The following DEPDC4 variants were observed in gnomAD, a reference collection of about 807,000 sequenced individuals.
DEPDC4 encodes the protein DEP domain containing 4.
In DEPDC4, 52 loss-of-function variants were observed where a neutral mutation model predicts 52.0. That is an observed-to-expected ratio of 1.00 (90% CI 0.80 to 1.26). The LOEUF is 1.26. DEPDC4 is among the 50% of genes most tolerant of loss of function. The pLI is 0.00. For missense variants in DEPDC4, 530 were observed against 546.9 expected (o/e 0.97, Z 0.31); for synonymous variants, 201 against 196.8 (o/e 1.02, Z -0.18).
At chr12:100,253,278 CACTAT>C (rs1566317076) in intron 5 of DEPDC4, among the ~76,000 whole-genome samples, 1 of 152,096 alleles carries the variant, frequency 6.6e-6, no homozygotes, top group East Asian at 1.9e-4. Context: ...TAGATTTATG[CACTAT>C]ACTATATTAG....
At chr12:100,233,989 C>T (rs2096137888) in intron 9 of DEPDC4, among the ~76,000 whole-genome samples, 1 of 152,076 alleles carries the variant, frequency 6.6e-6, no homozygotes, top group South Asian at 2.1e-4. Context: ...TGCCTGTAGT[C>T]CCAGCTACTC....
rs770621384 is a variant in DEPDC4, at chr12:100,263,574, C to T, written c.477G>A (p.Arg159=). Reference sequence around the variant, plus strand: ...CGTAAGATGATTTATTGCCTAGAAACCTGTAGAGACTAATGTTGGAATCTT... The same window carrying T: ...CGTAAGATGATTTATTGCCTAGAAATCTGTAGAGACTAATGTTGGAATCTT... ...EFEDSNISLY[R]FLGNKSSYDC... Residue 159 remains arginine (R), a synonymous_variant, in exon 2 of 10, where the codon AGG becomes AGA. Transcript: ENST00000550587. 1 of 1,613,464 alleles carries T rather than the reference C, an allele frequency of 6.2e-7. No homozygotes were observed. The highest frequency in any genetic ancestry group is 1.3e-5 in the African/African-American group (1 of 74,964).
downstream of DEPDC4, among the ~76,000 whole-genome samples, chr12:100,239,993 T>C (rs557238098): frequency 1.3e-5 from 2 of 152,276 alleles, no homozygotes; most frequent in South Asian, 2.1e-4. Flanking sequence ...AGTTGAGAAC[T>C]TTGAAACTAA....
upstream of DEPDC4, chr12:100,267,209 C>G: frequency 3.1e-6 from 3 of 957,452 alleles, no homozygotes; most frequent in Admixed American, 5.6e-5. Flanking sequence ...TCTTCGTCCC[C>G]GGTCCCTCCC....
upstream of DEPDC4, chr12:100,267,189 C>A (rs147743073): frequency 1.0e-5 from 12 of 1,180,896 alleles, no homozygotes; most frequent in African/African-American, 1.7e-4. Flanking sequence ...TCTTTTTCCC[C>A]CTCCCTTACT....
chr12:100,247,682 A>C (rs2096191745), intron 8 of DEPDC4, among the ~76,000 whole-genome samples: 1 of 152,212 alleles, frequency 6.6e-6, no homozygotes, highest in African/African-American at 2.4e-5. Context: ...GATTCTAAGT[A>C]CTAGTTTCAG....
chr12:100,265,285 C>A (rs1735417330), intron 1 of DEPDC4, among the ~76,000 whole-genome samples: 1 of 149,876 alleles, frequency 6.7e-6, no homozygotes, highest in South Asian at 2.1e-4. Flanking sequence ...CAGAGTGAGA[C>A]CCTGTCTCAA....
the DEPDC4 span, among the ~76,000 whole-genome samples, chr12:100,272,660 A>G: frequency 6.6e-6 from 1 of 152,188 alleles, no homozygotes; most frequent in African/African-American, 2.4e-5. Flanking sequence ...TGGCTTCTAT[A>G]TGTCGTTGGT....
the DEPDC4 span, among the ~76,000 whole-genome samples, chr12:100,279,459 C>A: frequency 6.6e-6 from 1 of 152,200 alleles, no homozygotes; most frequent in African/African-American, 2.4e-5. Flanking sequence ...TAAGTCACAT[C>A]GTCTTGCTTC....
At chr12:100,275,571 C>G in the DEPDC4 span, among the ~76,000 whole-genome samples, 1 of 152,130 alleles carries the variant, frequency 6.6e-6, no homozygotes, top group African/African-American at 2.4e-5. Context: ...ATTCTGATAG[C>G]TATTTTGTAG....
downstream of DEPDC4, among the ~76,000 whole-genome samples, chr12:100,235,662 T>C (rs1013011013): frequency 6.6e-6 from 1 of 151,804 alleles, no homozygotes; most frequent in African/African-American, 2.4e-5. Flanking sequence ...ACAGCCTCCA[T>C]CTCCTGTGTT....
chr12:100,273,805 T>G, the DEPDC4 span, among the ~76,000 whole-genome samples: 8 of 152,226 alleles, frequency 5.3e-5, no homozygotes, highest in Non-Finnish European at 1.2e-4. Flanking sequence ...CACAAGTTAA[T>G]TGCTGTAACT....
At chr12:100,277,011 A>G in the DEPDC4 span, among the ~76,000 whole-genome samples, 1 of 152,082 alleles carries the variant, frequency 6.6e-6, no homozygotes, top group Non-Finnish European at 1.5e-5. Flanking sequence ...GGATTATTTA[A>G]AAGCGTTGAT....
intron 8 of DEPDC4, among the ~76,000 whole-genome samples, chr12:100,243,112 G>C (rs1210742252): frequency 3.3e-5 from 5 of 151,950 alleles, no homozygotes; most frequent in South Asian, 4.2e-4. Context: ...ATAAAATAGA[G>C]CAATTATAAC....
the DEPDC4 span, among the ~76,000 whole-genome samples, chr12:100,272,993 A>G: frequency 6.6e-6 from 1 of 152,024 alleles, no homozygotes; most frequent in Non-Finnish European, 1.5e-5. Context: ...TCTTGCTTTT[A>G]TATATTCTGA....
chr12:100,270,493 A>C (rs943281409), upstream of DEPDC4, among the ~76,000 whole-genome samples: 5 of 152,178 alleles, frequency 3.3e-5, no homozygotes, highest in Non-Finnish European at 7.3e-5. Context: ...TAAAAACTAT[A>C]GTTCACTAAA....
Position 100,267,054 on chromosome 12 carries a change from G to A in DEPDC4, c.23C>T (p.Ala8Val), listed in dbSNP as rs1031798162. Reference sequence around the variant, plus strand: ...CAAAAGAACCGCCATAAGCTCGCGCGCTGGCTCCTCCCCTGGCACCATAGC... The same window carrying A: ...CAAAAGAACCGCCATAAGCTCGCGCACTGGCTCCTCCCCTGGCACCATAGC... The part of the protein sequence containing the change: MVPGEEP[A>V]RELMAVLLTP... Residue 8 changes from alanine (A) to valine (V), a missense_variant, in exon 1 of 10, where the codon GCG (alanine) becomes GTG (valine). Ala to Val is a moderately conservative substitution (Grantham distance 64, BLOSUM62 0). Coordinates refer to ENST00000550587, the MANE Select transcript of DEPDC4 (RefSeq NM_001364818.2). 15 of 1,613,560 alleles carry A rather than the reference G, an allele frequency of 9.3e-6. No individual in the cohort carries two copies. The highest frequency in any genetic ancestry group is 1.3e-5 in the Non-Finnish European group (15 of 1,179,756).
intron 2 of DEPDC4, among the ~76,000 whole-genome samples, chr12:100,263,050 C>A (rs1250735560): frequency 6.6e-6 from 1 of 152,140 alleles, no homozygotes; most frequent in Non-Finnish European, 1.5e-5. Flanking sequence ...CTCCACCTCC[C>A]CAGCTCAAGC....
chr12:100,246,984 A>G (rs2096188225), intron 8 of DEPDC4, among the ~76,000 whole-genome samples: 1 of 152,008 alleles, frequency 6.6e-6, no homozygotes, highest in African/African-American at 2.4e-5. Context: ...AGTTACAGAG[A>G]AAAAAGCATA....
Sources: allele counts gnomAD v4.1 joint callset (sites outside exome capture counted in the v4.1 genomes callset), GRCh38; gene constraint gnomAD v4.1.1; transcripts MANE v1.5; gene names NCBI Gene and HGNC (gene_info 2026-07-23, HGNC 2026-07-21).